Variants in EPHA6 observed in about 807,000 individuals in gnomAD.
EPHA6 encodes ephrin type-A receptor 6.
A neutral mutation model predicts 112.0 loss-of-function variants in EPHA6; 50 were observed. The observed-to-expected ratio is 0.45, with a 90% CI of 0.36 to 0.56. The LOEUF is 0.56. Ranked by LOEUF, EPHA6 falls within the 20% of genes least tolerant of loss-of-function variation. The probability of loss-of-function intolerance (pLI) is 0.00; values close to 1 mark genes in which losing one functional copy is unlikely to be tolerated. For synonymous variants in EPHA6, 529 were observed against 490.7 expected, an observed-to-expected ratio of 1.08 and a Z score of -1.03; for missense variants, 1,280 against 1,417.4, an observed-to-expected ratio of 0.90 and a Z score of 1.56.
intron 3 of EPHA6, among the ~76,000 whole-genome samples, chr3:96,993,009 G>A (rs77325348): frequency 0.024 from 3,614 of 152,224 alleles, 151 homozygotes; most frequent in African/African-American, 0.082. Flanking sequence ...TGATCACAAA[G>A]CACTGAGTAG....
intron 3 of EPHA6, among the ~76,000 whole-genome samples, chr3:97,039,903 A>G (rs2045254152): frequency 6.6e-6 from 1 of 151,946 alleles, no homozygotes; most frequent in Non-Finnish European, 1.5e-5. Flanking sequence ...ACTAAGTTCA[A>G]TAAAAGTGCA....
At chr3:97,303,371 A>G (rs535356198) in intron 5 of EPHA6, among the ~76,000 whole-genome samples, 58 of 152,036 alleles carry the variant, frequency 3.8e-4, no homozygotes, top group Non-Finnish European at 8.2e-4. Context: ...TTTCCTGAGA[A>G]ATTCAAACAA....
intron 5 of EPHA6, among the ~76,000 whole-genome samples, chr3:97,399,638 A>T (rs2086875784): frequency 6.6e-6 from 1 of 151,768 alleles, no homozygotes; most frequent in East Asian, 1.9e-4. Flanking sequence ...AAATGGAGTG[A>T]GATGATAGTT....
At chr3:97,466,448 C>A in intron 7 of EPHA6, 2 of 1,544,978 alleles carry the variant, frequency 1.3e-6, no homozygotes, top group South Asian at 1.1e-5. Context: ...CAAAACTGTA[C>A]TGGCTTAATG....
intron 3 of EPHA6, among the ~76,000 whole-genome samples, chr3:97,160,494 G>A (rs1389071374): frequency 6.6e-6 from 1 of 151,898 alleles, no homozygotes; most frequent in African/African-American, 2.4e-5. Context: ...TGGCCAGGCT[G>A]GTTTCGAACT....
chr3:97,731,776 C>T (rs151265214), intron 15 of EPHA6, among the ~76,000 whole-genome samples: 2 of 152,114 alleles, frequency 1.3e-5, no homozygotes, highest in African/African-American at 4.8e-5. Context: ...GAATCTGAAA[C>T]CAGAAAGTTG....
At chr3:97,055,074 TGCAGACTAACTCTTTAAAAA>T (rs2045809961) in intron 3 of EPHA6, among the ~76,000 whole-genome samples, 2 of 152,146 alleles carry the variant, frequency 1.3e-5, no homozygotes, top group Admixed American at 1.3e-4. Context: ...TAGAAAATGT[TGCAGACTAACTCTTTAAAAA>T]GCACCAAATC....
chr3:97,570,059 A>G (rs1284878532), intron 11 of EPHA6: 1 of 152,154 alleles, frequency 6.6e-6, no homozygotes, highest in African/African-American at 2.4e-5. Flanking sequence ...ACTAATTTTT[A>G]TTTTTAATTT....
At chr3:97,153,496 T>C (rs1487270694) in intron 3 of EPHA6, among the ~76,000 whole-genome samples, 2 of 152,092 alleles carry the variant, frequency 1.3e-5, no homozygotes, top group African/African-American at 4.8e-5. Context: ...TTCTAAAAAA[T>C]TACAATATGC....
intron 2 of EPHA6, among the ~76,000 whole-genome samples, chr3:96,956,922 A>G (rs1202524363): frequency 2.6e-5 from 4 of 151,724 alleles, no homozygotes; most frequent in African/African-American, 9.7e-5. Context: ...AGTCCCAGAT[A>G]CTCGGGAGGC....
intron 14 of EPHA6, among the ~76,000 whole-genome samples, chr3:97,663,944 T>C (rs301965): frequency 0.97 from 148,170 of 152,290 alleles, 72,227 homozygotes; most frequent in Middle Eastern, 1. Flanking sequence ...AGTTTACAGT[T>C]CCAGCAACAG....
chr3:97,556,925 C>T (rs1050269990), intron 11 of EPHA6, among the ~76,000 whole-genome samples: 1 of 152,016 alleles, frequency 6.6e-6, no homozygotes, highest in Non-Finnish European at 1.5e-5. Flanking sequence ...ATAACCTCTG[C>T]TAAAACTGTG....
intron 3 of EPHA6, among the ~76,000 whole-genome samples, chr3:97,042,629 C>T (rs2045357041): frequency 1.3e-5 from 2 of 152,030 alleles, no homozygotes; most frequent in Admixed American, 1.3e-4. Context: ...GCTCGGTGCT[C>T]GCCTCCCTGT....
At chr3:97,422,387 AT>A (rs1419753954) in intron 6 of EPHA6, among the ~76,000 whole-genome samples, 2 of 152,128 alleles carry the variant, frequency 1.3e-5, no homozygotes, top group African/African-American at 4.8e-5. Context: ...GGAAACTGCA[AT>A]TCAACAAGAA....
intron 6 of EPHA6, among the ~76,000 whole-genome samples, chr3:97,438,628 T>C (rs1213455696): frequency 1.3e-5 from 2 of 152,308 alleles, no homozygotes; most frequent in East Asian, 3.9e-4. Context: ...AGTTGGAATA[T>C]AAAGGTTAAA....
chr3:96,998,508 A>G lies in EPHA6; in HGVS notation c.1114+10515A>G, dbSNP rs533087272. 2.6e-4 allele frequency among the ~76,000 whole-genome samples: 39 copies of G among 151,804 alleles called. No individual in the cohort carries two copies. In the South Asian group the frequency reaches 8.1e-3, roughly 32 times the overall value. ...GCTTTATTTTTTCTCTCCCTCTTCA[A>G]TGATTGTTTATTTAGATGTAGAATA... On this transcript the variant is annotated intron_variant, in intron 3 of 17. Coordinates refer to ENST00000389672, the MANE Select transcript of EPHA6 (RefSeq NM_001080448.3).
chr3:97,587,539 A>G (rs940833266), intron 11 of EPHA6, among the ~76,000 whole-genome samples: 3 of 152,138 alleles, frequency 2.0e-5, no homozygotes, highest in Non-Finnish European at 4.4e-5. Context: ...TTTTATTTCA[A>G]TATTTGATTT....
At chr3:97,528,893 T>C (rs1397245758) in intron 10 of EPHA6, among the ~76,000 whole-genome samples, 1 of 152,162 alleles carries the variant, frequency 6.6e-6, no homozygotes, top group Admixed American at 6.6e-5. Context: ...TGGCAGAAGA[T>C]CAATTATCCT....
chr3:96,992,392 C>G (rs1054156780), intron 3 of EPHA6, among the ~76,000 whole-genome samples: 5 of 152,116 alleles, frequency 3.3e-5, no homozygotes, highest in Non-Finnish European at 7.4e-5. Flanking sequence ...ACAGTTTCTA[C>G]AATCTGGAAA....
Sources: allele counts gnomAD v4.1 joint callset (sites outside exome capture counted in the v4.1 genomes callset), GRCh38; gene constraint gnomAD v4.1.1; transcripts MANE v1.5; gene names NCBI Gene and HGNC (gene_info 2026-07-23, HGNC 2026-07-21).